The following PVT1 variants were observed in gnomAD, a reference collection of about 807,000 sequenced individuals.
The protein encoded by PVT1 is Pvt1 oncogene, also known as CXCR4/PVT1 fusion.
chr8:127,955,468 T>C (rs1181892812), intron 3 of PVT1, among the ~76,000 whole-genome samples: 1 of 152,206 alleles, frequency 6.6e-6, no homozygotes, highest in Non-Finnish European at 1.5e-5. Context: ...TTAATTTTCA[T>C]AGTAAGTGGG....
At chr8:127,819,638 G>A (rs1028413930) in intron 2 of PVT1, among the ~76,000 whole-genome samples, 3 of 152,116 alleles carry the variant, frequency 2.0e-5, no homozygotes, top group East Asian at 1.9e-4. Context: ...GAAGAGCCTC[G>A]GGATAAGTCG....
At chr8:127,988,476 T>C (rs759710242) in intron 3 of PVT1, among the ~76,000 whole-genome samples, 13 of 152,208 alleles carry the variant, frequency 8.5e-5, no homozygotes, top group Non-Finnish European at 1.9e-4. Context: ...TGCTTTAGGA[T>C]AGCCTAGAAG....
intron 2 of PVT1, among the ~76,000 whole-genome samples, chr8:127,880,917 C>T (rs541368047): frequency 7.9e-5 from 12 of 152,304 alleles, no homozygotes; most frequent in Non-Finnish European, 1.3e-4. Flanking sequence ...ATTTCTTAAG[C>T]GATGTTGAGT....
intron 3 of PVT1, among the ~76,000 whole-genome samples, chr8:127,963,728 A>G (rs953719033): frequency 6.6e-6 from 1 of 152,068 alleles, no homozygotes; most frequent in Non-Finnish European, 1.5e-5. Context: ...ACATCAGGGA[A>G]TGATGTTTGG....
At chr8:127,881,215 CG>C (rs1160244417) in intron 2 of PVT1, among the ~76,000 whole-genome samples, 3 of 152,024 alleles carry the variant, frequency 2.0e-5, no homozygotes, top group Admixed American at 2.0e-4. Flanking sequence ...GAGTCTGACT[CG>C]TGGGAGTAAC....
At chr8:127,969,023 T>C (rs1316069211) in intron 3 of PVT1, among the ~76,000 whole-genome samples, 1 of 152,138 alleles carries the variant, frequency 6.6e-6, no homozygotes, top group East Asian at 1.9e-4. Flanking sequence ...AACATTTCTG[T>C]TGTTTCAAGC....
chr8:128,038,516 G>A (rs569564869), intron 4 of PVT1, among the ~76,000 whole-genome samples: 1 of 152,318 alleles, frequency 6.6e-6, no homozygotes, highest in East Asian at 1.9e-4. Context: ...TGCGGCACGT[G>A]AATGGGCTTG....
At chr8:127,983,063 G>A (rs984471817) in intron 3 of PVT1, among the ~76,000 whole-genome samples, 2 of 152,096 alleles carry the variant, frequency 1.3e-5, no homozygotes, top group Non-Finnish European at 2.9e-5. Flanking sequence ...GTGGGGCCTC[G>A]GCTTCAGAGG....
chr8:127,936,690 T>C (rs1816279853), intron 3 of PVT1, among the ~76,000 whole-genome samples: 1 of 152,232 alleles, frequency 6.6e-6, no homozygotes, highest in Non-Finnish European at 1.5e-5. Context: ...CCTTCAGGGC[T>C]GAGCTGCTTC....
In PVT1 at chr8:127,801,889, A is replaced by ATTATTTAT. The variant is rs56208015; in HGVS notation, n.372+5854_372+5861dup. Among the ~76,000 whole-genome samples the ATTATTTAT allele has an allele frequency of 1.7e-4, 25 of 147,488 alleles. 1 individual carries two copies. The highest frequency in any genetic ancestry group is 4.5e-4 in the African/African-American group (18 of 39,958). On this transcript the variant is annotated intron_variant and non_coding_transcript_variant, in intron 2 of 10. Transcript: ENST00000651587. ...CTTAGTGAGAAGAGTAAGATATCTCATTATTTATTTATTTATTTATTTATT... is the reference window on the plus strand; with the variant it reads ...CTTAGTGAGAAGAGTAAGATATCTCATTATTTATTTATTTATTTATTTATTTATTTATT...
intron 3 of PVT1, among the ~76,000 whole-genome samples, chr8:127,982,714 A>G (rs1161404346): frequency 6.6e-6 from 1 of 152,034 alleles, no homozygotes; most frequent in African/African-American, 2.4e-5. Flanking sequence ...ATTAAGAAAA[A>G]CAAAACAAAA....
intron 3 of PVT1, among the ~76,000 whole-genome samples, chr8:127,986,534 C>T (rs1228749884): frequency 3.3e-5 from 5 of 152,222 alleles, no homozygotes; most frequent in Admixed American, 2.6e-4. Flanking sequence ...AGCCACCTGA[C>T]CCTTCAGTCC....
At chr8:127,931,899 G>A (rs1313524318) in intron 3 of PVT1, among the ~76,000 whole-genome samples, 3 of 152,230 alleles carry the variant, frequency 2.0e-5, no homozygotes, top group African/African-American at 7.2e-5. Context: ...AAGGCCCTGC[G>A]GCTGGTCCCC....
intron 4 of PVT1, among the ~76,000 whole-genome samples, chr8:128,043,951 C>G (rs1813578385): frequency 6.6e-6 from 1 of 150,970 alleles, no homozygotes; most frequent in African/African-American, 2.4e-5. Flanking sequence ...CTCAGCCTCC[C>G]AAGTAGCTGG....
At chr8:128,099,135 G>C (rs1814467981) in intron 6 of PVT1, among the ~76,000 whole-genome samples, 1 of 152,196 alleles carries the variant, frequency 6.6e-6, no homozygotes, top group Admixed American at 6.5e-5. Flanking sequence ...CTCCCACCCA[G>C]GCCTTCTCAC....
intron 3 of PVT1, chr8:127,960,512 C>T: frequency 3.1e-6 from 1 of 323,228 alleles, no homozygotes; most frequent in Non-Finnish European, 6.5e-6. Flanking sequence ...GTGGGTTCTG[C>T]AGATAAAGAT....
At chr8:127,889,412 G>A (rs1056402070) in intron 2 of PVT1, among the ~76,000 whole-genome samples, 1 of 151,012 alleles carries the variant, frequency 6.6e-6, no homozygotes, top group African/African-American at 2.4e-5. Flanking sequence ...TTACAGGCGT[G>A]AGCCACCGCG....
chr8:128,008,442 A>T (rs1229511851), intron 4 of PVT1, among the ~76,000 whole-genome samples: 1 of 152,228 alleles, frequency 6.6e-6, no homozygotes, highest in African/African-American at 2.4e-5. Context: ...GCAAAAATGT[A>T]TGTTCCCACA....
chr8:127,903,828 C>G (rs1212942951), intron 3 of PVT1, among the ~76,000 whole-genome samples: 2 of 152,104 alleles, frequency 1.3e-5, no homozygotes, highest in Admixed American at 1.3e-4. Flanking sequence ...GTTACTGTAG[C>G]CTTGTAGTAT....
Sources: gnomAD v4.1 joint callset for allele counts (sites outside exome capture counted in the v4.1 genomes callset) on GRCh38, gnomAD v4.1.1 for gene constraint, MANE v1.5 for transcripts, NCBI Gene and HGNC (gene_info 2026-07-23, HGNC 2026-07-21) for gene names.